The following CENPS variants were observed in gnomAD, a reference collection of about 807,000 sequenced individuals.
The protein encoded by CENPS is FANCM associated histone fold protein 1.
Under a neutral mutation model 17.9 loss-of-function variants are expected in CENPS, and 16 were observed. The ratio of observed to expected loss-of-function variants is 0.90; its 90% CI spans 0.61 to 1.36. The LOEUF (loss-of-function observed/expected upper bound fraction) is 1.36. Among genes scored for constraint, CENPS ranks in the 40% most tolerant of loss-of-function variants. The probability of loss-of-function intolerance (pLI) is 0.00; values close to 1 mark genes in which losing one functional copy is unlikely to be tolerated. For synonymous variants in CENPS, 49 were observed against 55.8 expected (o/e 0.88, Z 0.54); for missense variants, 160 against 158.6 (o/e 1.01, Z -0.05).
intron 3 of CENPS, among the ~76,000 whole-genome samples, chr1:10,438,856 A>G (rs1291909855): frequency 1.3e-5 from 2 of 152,194 alleles, no homozygotes; most frequent in Non-Finnish European, 2.9e-5. Context: ...GTACTTTAAG[A>G]AGAATGTAAA....
chr1:10,439,727 C>T lies in CENPS; in HGVS notation c.210-620C>T, dbSNP rs575719193. On this transcript the variant is annotated intron_variant, in intron 3 of 4. Transcript: ENST00000309048. ...CTGCCCTCCAGTCTGGGCGACAGAA[C>T]GAGACTCTGTCTCAAAAAAAAAAAG... Among the ~76,000 whole-genome samples, 26 of 151,324 alleles carry T rather than the reference C, an allele frequency of 1.7e-4. No homozygotes were observed. In the South Asian group the frequency reaches 4.2e-3, roughly 24 times the overall value.
At chr1:10,431,128 T>G in intron 1 of CENPS, 2 of 1,423,356 alleles carry the variant, frequency 1.4e-6, no homozygotes, top group South Asian at 3.0e-5. Context: ...AAAATCGTCA[T>G]AAGAATAATC....
In CENPS at chr1:10,442,438, A is replaced by G. The variant is rs960774826; in HGVS notation, c.*33A>G. 1 of 1,532,532 alleles carries G rather than the reference A, an allele frequency of 6.5e-7. No homozygotes were observed. The highest frequency in any genetic ancestry group is 1.4e-5 in the African/African-American group (1 of 70,536). 94.9% of individuals were successfully genotyped at this position (1,532,532 alleles called of 1,614,324 possible). A position where few individuals can be genotyped will look rare whatever the true frequency, so the allele number is the denominator to read the frequency against. ...CGCCGCTTGGAAAGTGCAGCCTTCT[A>G]CAGGTAGAGCCACCTAGAAATGCAT... On this transcript the variant is annotated 3_prime_UTR_variant, in exon 5 of 5. Transcript: ENST00000309048.
At chr1:10,430,697 A>C in intron 1 of CENPS, 129 bp downstream of exon 1, 1 of 1,383,356 alleles carries the variant, frequency 7.2e-7, no homozygotes, top group Non-Finnish European at 9.3e-7. Context: ...GCGGCTGCGC[A>C]TGCGTTGGCT....
At chr1:10,441,388 C>T (rs1453299444) in intron 4 of CENPS, among the ~76,000 whole-genome samples, 1 of 146,472 alleles carries the variant, frequency 6.8e-6, no homozygotes. Context: ...CATCATTGCT[C>T]ACTGCAGTCC....
chr1:10,436,542 T>G, intron 3 of CENPS, among the ~76,000 whole-genome samples: 1 of 93,032 alleles, frequency 1.1e-5, no homozygotes, highest in African/African-American at 6.2e-5. Flanking sequence ...TCTCCTAAAA[T>G]ACAAAAAAAA....
chr1:10,430,691 C>A, intron 1 of CENPS, 123 bp downstream of exon 1: 1 of 1,401,578 alleles, frequency 7.1e-7, no homozygotes, highest in Non-Finnish European at 9.2e-7. Context: ...CCCCCCGCGG[C>A]TGCGCATGCG....
chr1:10,431,463 G>GCTCCCATGCTTCC (rs1639910548), intron 1 of CENPS: 2 of 1,510,378 alleles, frequency 1.3e-6, no homozygotes, highest in Non-Finnish European at 8.9e-7. Flanking sequence ...TGCTCTGTTT[G>GCTCCCATGCTTCC]CTCCCATGCT....
In CENPS at chr1:10,440,328, G is replaced by A; in HGVS notation, c.210-19G>A. ...ATAATACCAAACATTTTGGTGACTT[G>A]CTTCTGCCCTTTCTGCAGACATGCG... is the stretch of plus-strand genomic sequence containing the variant. On this transcript the variant is annotated intron_variant, in intron 3 of 4. Transcript: ENST00000309048. 1.2e-6 allele frequency: 2 copies of A among 1,610,566 alleles called. No individual in the cohort carries two copies. Among genetic ancestry groups the A allele is most frequent in the Non-Finnish European group, 1.7e-6 (2 of 1,179,092 alleles).
chr1:10,430,886 C>T, intron 1 of CENPS: 2 of 1,285,188 alleles, frequency 1.6e-6, no homozygotes, highest in Non-Finnish European at 2.0e-6. Flanking sequence ...ATGGGGTTTT[C>T]GTGAGGGTAC....
Position 10,434,665 on chromosome 1 carries a change from G to T in CENPS, c.184G>T (p.Ala62Ser), listed in dbSNP as rs1315943409. 3.1e-6 allele frequency: 5 copies of T among 1,606,476 alleles called. No individual in the cohort carries two copies. The African/African-American group carries it at 6.7e-5, about 22-fold the overall frequency. Residue 62 changes from alanine (A) to serine (S), a missense_variant, in exon 3 of 5, where the codon GCC becomes TCC. Ala to Ser is a moderately conservative substitution (Grantham distance 99, BLOSUM62 1). Transcript: ENST00000309048. ...TTTTTTTTCTCTTTCAGAAAATTTT[G>T]CCAAAGACCTTGAAATGTTTGCAAG... ...ELTFRQCENF[A>S]KDLEMFARHA... is the part of the protein sequence containing the mutation.
At chr1:10,431,259 C>G (rs1203073387) in intron 1 of CENPS, 1 of 1,534,882 alleles carries the variant, frequency 6.5e-7, no homozygotes, top group Non-Finnish European at 8.7e-7. Flanking sequence ...GAGTGGCGAC[C>G]TTAAAGAGGA....
At chr1:10,434,528 C>A in intron 2 of CENPS, 129 bp from the exon 3 acceptor site, 1 of 1,370,408 alleles carries the variant, frequency 7.3e-7, no homozygotes, top group Admixed American at 2.9e-5. Flanking sequence ...TGCCTCCTTT[C>A]ACCTTTAAGA....
intron 3 of CENPS, among the ~76,000 whole-genome samples, chr1:10,438,496 G>C (rs935873158): frequency 6.6e-6 from 1 of 152,144 alleles, no homozygotes; most frequent in Non-Finnish European, 1.5e-5. Context: ...TCCTAGTATT[G>C]TTAACAATCA....
In CENPS at chr1:10,433,942, C is replaced by A. The variant is rs771382657; in HGVS notation, c.152C>A (p.Ser51Ter). The A allele has an allele frequency of 6.2e-7, 1 of 1,614,178 alleles. No homozygotes were observed. The highest frequency in any genetic ancestry group is 8.5e-7 in the Non-Finnish European group (1 of 1,180,042). ...AGCAAACAGACCATTGCGGCCATTTCGGAGCTGACTTTCCGACAGTGTGGT... is the reference window on the plus strand; with the variant it reads ...AGCAAACAGACCATTGCGGCCATTTAGGAGCTGACTTTCCGACAGTGTGGT... Reference protein sequence around the residue: ...QFSKQTIAAISELTFRQCENF... With the variant: ...QFSKQTIAAI The change falls in exon 2 of 5, where the codon TCG becomes TAG. Residue 51 changes from serine (S) to a stop codon, truncating the protein, a stop_gained. Transcript: ENST00000309048. LOFTEE classifies it high-confidence loss of function.
In CENPS at chr1:10,431,466, C is replaced by G. The variant is rs72867492; in HGVS notation, c.51+898C>G. ...TAGTTAGCATTTTGCTCTGTTTGCT[C>G]CCATGCTTCCCTCCCAGCCCCGCGA... On this transcript the variant is annotated intron_variant, in intron 1 of 4. Coordinates refer to ENST00000309048, the MANE Select transcript of CENPS (RefSeq NM_199294.3). 1,186 of 1,496,296 alleles carry G rather than the reference C, an allele frequency of 7.9e-4. 6 individuals carry two copies. In the African/African-American group the frequency reaches 0.013, roughly 17 times the overall value. 92.7% of individuals were successfully genotyped at this position (1,496,296 alleles called of 1,614,324 possible).
intron 1 of CENPS, among the ~76,000 whole-genome samples, chr1:10,432,872 C>T (rs1639984266): frequency 6.6e-6 from 1 of 152,074 alleles, no homozygotes; most frequent in African/African-American, 2.4e-5. Context: ...TTCGTGCCTC[C>T]CAGGTTGATG....
chr1:10,441,618 C>CT, intron 4 of CENPS, among the ~76,000 whole-genome samples: 1 of 100,078 alleles, frequency 1.0e-5, no homozygotes, highest in Non-Finnish European at 2.1e-5. Flanking sequence ...CTGGCTACAA[C>CT]TCTTTTTTTT....
intron 1 of CENPS, among the ~76,000 whole-genome samples, chr1:10,432,440 G>T (rs1639963153): frequency 6.6e-6 from 1 of 152,206 alleles, no homozygotes; most frequent in Non-Finnish European, 1.5e-5. Flanking sequence ...AATGCTTACT[G>T]ATGAAGCTGC....
Sources: allele counts gnomAD v4.1 joint callset (sites outside exome capture counted in the v4.1 genomes callset), GRCh38; gene constraint gnomAD v4.1.1; transcripts MANE v1.5; gene names NCBI Gene and HGNC (gene_info 2026-07-23, HGNC 2026-07-21).